Variants in HOOK3 observed in about 807,000 individuals in gnomAD.
The protein encoded by HOOK3 is protein Hook homolog 3.
In HOOK3, 24 loss-of-function variants were observed where a neutral mutation model predicts 116.3. That is an observed-to-expected ratio of 0.21 (90% confidence interval 0.15 to 0.29). HOOK3 has a LOEUF of 0.29. HOOK3 is among the 10% of genes least tolerant of loss of function. The pLI is 1.00. For missense variants in HOOK3, 632 were observed against 830.2 expected, an observed-to-expected ratio of 0.76 and a Z score of 2.93; for synonymous variants, 275 against 283.0, an observed-to-expected ratio of 0.97 and a Z score of 0.28.
intron 19 of HOOK3, among the ~76,000 whole-genome samples, chr8:43,011,723 T>TA (rs557487276): frequency 1.9e-4 from 29 of 152,040 alleles, no homozygotes; most frequent in Non-Finnish European, 3.5e-4. Flanking sequence ...AAAAAAGTTT[T>TA]AAAAAATTAG....
In HOOK3 at chr8:42,925,048, A is replaced by G. The variant is rs541874982; in HGVS notation, c.144-509A>G. Among the ~76,000 whole-genome samples the G allele has an allele frequency of 2.5e-4, 38 of 151,530 alleles. No individual in the cohort carries two copies. In the South Asian group the frequency reaches 7.9e-3, roughly 32 times the overall value. ...CAAGTTGACTTCTAGAAAATCTGCA[A>G]TTATGGTAGATTCTTGACTGTTTTT... On this transcript the variant is annotated intron_variant, in intron 2 of 21. Transcript: ENST00000307602.
intron 17 of HOOK3, among the ~76,000 whole-genome samples, chr8:43,003,155 A>T (rs72647255): frequency 6.6e-6 from 1 of 152,320 alleles, no homozygotes; most frequent in South Asian, 2.1e-4. Flanking sequence ...AAGTGTTACA[A>T]CTTTACACTG....
At chr8:42,944,007 T>G (rs574449416) in intron 5 of HOOK3, among the ~76,000 whole-genome samples, 1 of 152,230 alleles carries the variant, frequency 6.6e-6, no homozygotes, top group Non-Finnish European at 1.5e-5. Flanking sequence ...CCTTAAGAAA[T>G]CACTCCCTGA....
chr8:42,908,125 A>AG (rs1183903580), intron 2 of HOOK3, among the ~76,000 whole-genome samples: 1 of 152,230 alleles, frequency 6.6e-6, no homozygotes, highest in Admixed American at 6.5e-5. Context: ...ACAAGGTGAA[A>AG]GAGCCATACA....
intron 10 of HOOK3, 149 bp from the exon 11 acceptor site, chr8:42,967,864 T>C (rs1586613966): frequency 3.5e-6 from 2 of 574,448 alleles, no homozygotes; most frequent in Admixed American, 6.2e-5. Context: ...ACTTAGGTCA[T>C]ATTTGTTAAC....
chr8:42,974,392 C>G (rs1808781132), intron 13 of HOOK3, among the ~76,000 whole-genome samples, 198 bp downstream of exon 13: 1 of 152,160 alleles, frequency 6.6e-6, no homozygotes, highest in Non-Finnish European at 1.5e-5. Context: ...AGCCACACCA[C>G]CACGCCCAGC....
chr8:43,027,504 A>T lies in HOOK3; in HGVS notation c.*9006A>T, dbSNP rs1809954072. ...CTGTTCTACTGACGTGCTTTGCATG[A>T]GAAGCTCATCTAGAAGAGAGCAACG... On this transcript the variant is annotated 3_prime_UTR_variant, in exon 22 of 22. Transcript: ENST00000307602. 2.3e-6 allele frequency: 1 copy of T among 433,396 alleles called. No individual in the cohort carries two copies. The highest frequency in any genetic ancestry group is 1.9e-5 in the South Asian group (1 of 52,418). 26.8% of individuals were successfully genotyped at this position (433,396 alleles called of 1,614,324 possible).
rs1211836845 is a variant in HOOK3, at chr8:43,020,190, A to AT, written c.*1694dup. On this transcript the variant is annotated 3_prime_UTR_variant, in exon 22 of 22. Coordinates refer to ENST00000307602, the MANE Select transcript of HOOK3 (RefSeq NM_032410.4). ...GCCATACATTGTGCTAATTTTTTAC[A>AT]TTAAGTACAGAAGTCTGAGCACAGC... 3.0e-5 allele frequency: 6 copies of AT among 199,094 alleles called. No homozygotes were observed. The highest frequency in any genetic ancestry group is 1.9e-4 in the South Asian group (1 of 5,242). 12.3% of individuals were successfully genotyped at this position (199,094 alleles called of 1,614,324 possible).
At chr8:43,005,193 CTCTCTCTA>C (rs1809456607) in intron 17 of HOOK3, among the ~76,000 whole-genome samples, 1 of 63,490 alleles carries the variant, frequency 1.6e-5, no homozygotes, top group Admixed American at 2.1e-4. Flanking sequence ...CTCTCTCTCT[CTCTCTCTA>C]TATATATATA....
chr8:42,954,968 A>G (rs1476966223), intron 6 of HOOK3, among the ~76,000 whole-genome samples: 2 of 152,226 alleles, frequency 1.3e-5, no homozygotes, highest in African/African-American at 4.8e-5. Context: ...TTCGAGAAGC[A>G]GGAACAGTGT....
At chr8:42,907,943 A>G (rs2130326068) in intron 2 of HOOK3, among the ~76,000 whole-genome samples, 1 of 152,240 alleles carries the variant, frequency 6.6e-6, no homozygotes, top group African/African-American at 2.4e-5. Context: ...GAAAAAAACT[A>G]TTAGACCTGG....
At chr8:42,921,861 A>T (rs1177432780) in intron 2 of HOOK3, among the ~76,000 whole-genome samples, 1 of 151,700 alleles carries the variant, frequency 6.6e-6, no homozygotes, top group Non-Finnish European at 1.5e-5. Context: ...GATGGATAGA[A>T]AGAAAGAAAG....
intron 18 of HOOK3, among the ~76,000 whole-genome samples, chr8:43,008,664 T>TC (rs1809542291): frequency 7.3e-6 from 1 of 136,064 alleles, no homozygotes; most frequent in Non-Finnish European, 1.6e-5. Flanking sequence ...TTTATTTTTA[T>TC]TTTTTTTTTT....
intron 18 of HOOK3, among the ~76,000 whole-genome samples, chr8:43,009,068 C>G (rs1809552921): frequency 1.3e-5 from 2 of 150,668 alleles, no homozygotes; most frequent in African/African-American, 4.9e-5. Context: ...CCCAGGAGTT[C>G]AAGACCAGCC....
chr8:42,902,298 G>T (rs1807206822), intron 1 of HOOK3, among the ~76,000 whole-genome samples: 1 of 150,182 alleles, frequency 6.7e-6, no homozygotes, highest in African/African-American at 2.5e-5. Flanking sequence ...TTAAGACAGG[G>T]TCTCACTCTG....
intron 19 of HOOK3, among the ~76,000 whole-genome samples, chr8:43,011,117 C>G (rs967210583): frequency 3.9e-5 from 6 of 152,014 alleles, no homozygotes; most frequent in Admixed American, 2.6e-4. Flanking sequence ...CTCAGCCTCC[C>G]GAGTAGCTAG....
intron 6 of HOOK3, among the ~76,000 whole-genome samples, chr8:42,953,641 T>C (rs1808382923): frequency 6.6e-6 from 1 of 152,102 alleles, no homozygotes; most frequent in Non-Finnish European, 1.5e-5. Context: ...TACTATATAC[T>C]AGATTGGGCT....
Position 42,924,484 on chromosome 8 carries a change from T to TACA in HOOK3, c.144-1072_144-1071insCAA, listed in dbSNP as rs556277445. Among the ~76,000 whole-genome samples the TACA allele has an allele frequency of 3.5e-3, 527 of 152,296 alleles. 3 individuals are homozygous for TACA. Among genetic ancestry groups the TACA allele is most frequent in the South Asian group, 0.017 (83 of 4,818 alleles). On this transcript the variant is annotated intron_variant, in intron 2 of 21. Transcript: ENST00000307602. ...TTTATCTTAAATTTTAAGTCTTTTGTAAACAGCAATGGTGTTCAGATGTGT... is the reference window on the plus strand; with the variant it reads ...TTTATCTTAAATTTTAAGTCTTTTGTACAAAACAGCAATGGTGTTCAGATGTGT...
rs185475924 is a variant in HOOK3, at chr8:42,898,247, G to C, written c.57+1059G>C. On this transcript the variant is annotated intron_variant, in intron 1 of 21. Coordinates refer to ENST00000307602, the MANE Select transcript of HOOK3 (RefSeq NM_032410.4). ...ATAAAAATAGTCTGAGGTTTTTATA[G>C]TTTGGCTACGTCACGAATCAATTTC... Among the ~76,000 whole-genome samples the C allele has an allele frequency of 1.8e-3, 276 of 152,326 alleles. 1 individual carries two copies. The highest frequency in any genetic ancestry group is 6.4e-3 in the African/African-American group (264 of 41,566).
Sources: allele counts gnomAD v4.1 joint callset (sites outside exome capture counted in the v4.1 genomes callset), GRCh38; gene constraint gnomAD v4.1.1; transcripts MANE v1.5; gene names NCBI Gene and HGNC (gene_info 2026-07-23, HGNC 2026-07-21).